EPHA7: variants seen among roughly 807,000 people sequenced by gnomAD.
EPHA7 encodes the protein ephrin type-A receptor 7.
In EPHA7, 25 loss-of-function variants were observed where a neutral mutation model predicts 112.6. The ratio of observed to expected loss-of-function variants is 0.22; its 90% CI spans 0.16 to 0.31. The LOEUF (loss-of-function observed/expected upper bound fraction) is 0.31, where lower values mean the gene tolerates loss of function less well. Among genes scored for constraint, EPHA7 ranks in the 10% least tolerant of loss-of-function variants. EPHA7 has a pLI of 1.00. For synonymous variants in EPHA7, 437 were observed against 406.5 expected (o/e 1.07, Z -0.90); for missense variants, 962 against 1,212.6 (o/e 0.79, Z 3.07).
Position 93,242,285 on chromosome 6 carries a change from G to C in EPHA7, c.*1141C>G, listed in dbSNP as rs1769721930. 1 of 203,078 alleles carries C rather than the reference G, an allele frequency of 4.9e-6. No individual in the cohort carries two copies. Among genetic ancestry groups the C allele is most frequent in the African/African-American group, 2.3e-5 (1 of 43,672 alleles). 12.6% of individuals were successfully genotyped at this position (203,078 alleles called of 1,614,324 possible). A position where few individuals can be genotyped will look rare whatever the true frequency, so the allele number is the denominator to read the frequency against. ...TTTTGTTTTGTTTTGAACTGCAATG[G>C]TGATATTCTGTGCAGCAAATTTGTG... On this transcript the variant is annotated 3_prime_UTR_variant, in exon 17 of 17. Coordinates refer to ENST00000369303, the MANE Select transcript of EPHA7 (RefSeq NM_004440.4).
At chr6:93,329,865 C>A (rs1185312144) in intron 5 of EPHA7, among the ~76,000 whole-genome samples, 1 of 150,732 alleles carries the variant, frequency 6.6e-6, no homozygotes, top group South Asian at 2.1e-4. Flanking sequence ...TTAAAAAAAA[C>A]AAAAACAACA....
At chr6:93,402,416 T>C (rs937622051) in intron 3 of EPHA7, among the ~76,000 whole-genome samples, 4 of 152,012 alleles carry the variant, frequency 2.6e-5, no homozygotes, top group African/African-American at 9.7e-5. Context: ...CTTTGCAAGG[T>C]ACACAAGAAA....
At chr6:93,401,567 A>C (rs1778440558) in intron 3 of EPHA7, among the ~76,000 whole-genome samples, 1 of 152,052 alleles carries the variant, frequency 6.6e-6, no homozygotes, top group African/African-American at 2.4e-5. Flanking sequence ...ATTTGAACTA[A>C]TTTCTAAATT....
chr6:93,286,361 A>G (rs1484577697), intron 5 of EPHA7, among the ~76,000 whole-genome samples: 1 of 152,198 alleles, frequency 6.6e-6, no homozygotes, highest in Non-Finnish European at 1.5e-5. Flanking sequence ...AGGAAAGCCA[A>G]AGTTTCCAGT....
chr6:93,334,859 T>C (rs1774781222), intron 5 of EPHA7, among the ~76,000 whole-genome samples: 1 of 152,152 alleles, frequency 6.6e-6, no homozygotes, highest in Admixed American at 6.6e-5. Context: ...TAGTAAAGAT[T>C]GCGATGTGTA....
chr6:93,322,030 TTGAATTAATGAA>T (rs1346886095), intron 5 of EPHA7, among the ~76,000 whole-genome samples: 1 of 151,780 alleles, frequency 6.6e-6, no homozygotes, highest in Non-Finnish European at 1.5e-5. Flanking sequence ...TGAAGATTCA[TTGAATTAATGAA>T]TGAATAATGA....
intron 5 of EPHA7, among the ~76,000 whole-genome samples, chr6:93,338,242 C>T (rs1582549415): frequency 1.3e-5 from 2 of 152,100 alleles, no homozygotes; most frequent in Admixed American, 1.3e-4. Context: ...CTTCTCTCTT[C>T]TCTCTCTTTT....
intron 3 of EPHA7, among the ~76,000 whole-genome samples, chr6:93,381,416 C>G (rs893320973): frequency 7.2e-5 from 11 of 152,216 alleles, no homozygotes; most frequent in South Asian, 4.1e-4. Context: ...ATTACATTAT[C>G]TGAAACAAAC....
intron 5 of EPHA7, among the ~76,000 whole-genome samples, chr6:93,324,117 G>A (rs1288818515): frequency 6.6e-6 from 1 of 151,360 alleles, no homozygotes; most frequent in Non-Finnish European, 1.5e-5. Context: ...ACTGTCTTTT[G>A]ATGTGTTTCC....
Position 93,258,149 on chromosome 6 carries a change from C to A in EPHA7, c.2060G>T (p.Gly687Val). The change falls in exon 11 of 17, where the codon GGG becomes GTG. Residue 687 changes from glycine (G) to valine (V), a missense_variant. Gly to Val is a moderately radical substitution (Grantham distance 109). This residue lies in a region of EPHA7 where 746 missense variants were observed against 889.2 expected (regional missense o/e 0.84). Coordinates refer to ENST00000369303, the MANE Select transcript of EPHA7 (RefSeq NM_004440.4). Reference protein sequence around the residue: ...RDFLCEASIMGQFDHPNVVHL... With the variant: ...RDFLCEASIMVQFDHPNVVHL... ...GACAACATTCGGGTGGTCAAACTGC[C>A]CCATGATGCTTGCTTCACACAAAAA... 1 of 1,613,342 alleles carries A rather than the reference C, an allele frequency of 6.2e-7. No individual in the cohort carries two copies. The highest frequency in any genetic ancestry group is 2.2e-5 in the East Asian group (1 of 44,796).
intron 12 of EPHA7, 149 bp from the exon 13 acceptor site, chr6:93,256,186 AT>A: frequency 3.1e-6 from 2 of 635,728 alleles, no homozygotes; most frequent in Non-Finnish European, 5.3e-6. Flanking sequence ...GTGGAAAAAA[AT>A]AACATGCTTA....
chr6:93,376,319 T>G (rs1415613099), intron 3 of EPHA7, among the ~76,000 whole-genome samples: 2 of 152,034 alleles, frequency 1.3e-5, no homozygotes, highest in East Asian at 1.9e-4. Context: ...TTTAACATTA[T>G]TTTTAGAGAC....
rs60882775 is a variant in EPHA7, at chr6:93,405,813, GTATATATATATATATATATATATATA to G, written c.832+4662_832+4687del. On this transcript the variant is annotated intron_variant, in intron 3 of 16. Coordinates refer to ENST00000369303, the MANE Select transcript of EPHA7 (RefSeq NM_004440.4). ...TGTGTGTGTGTGTGTGTGTGTGTGT[GTATATATATATATATATATATATATA>G]TATATATATATAAATGATTATAAAT... is the stretch of plus-strand genomic sequence containing the variant. 2.6e-3 allele frequency among the ~76,000 whole-genome samples: 193 copies of G among 73,984 alleles called. 3 individuals carry two copies. Among genetic ancestry groups the G allele is most frequent in the Non-Finnish European group, 3.1e-3 (123 of 39,858 alleles). 48.5% of individuals were successfully genotyped at this position (73,984 alleles called of 152,430 possible).
chr6:93,347,438 G>A lies in EPHA7; in HGVS notation c.1324+9279C>T, dbSNP rs191809759. Among the ~76,000 whole-genome samples, 436 of 144,604 alleles carry A rather than the reference G, an allele frequency of 3.0e-3. 4 individuals are homozygous for A. The highest frequency in any genetic ancestry group is 0.01 in the African/African-American group (416 of 40,416). 94.9% of individuals were successfully genotyped at this position (144,604 alleles called of 152,430 possible). A position where few individuals can be genotyped will look rare whatever the true frequency, so the allele number is the denominator to read the frequency against. ...TAAACAAGTTAAGGGTTTTTTGGAG[G>A]GGAAAAATCATAAAAATGCATAAAA... On this transcript the variant is annotated intron_variant, in intron 5 of 16. Transcript: ENST00000369303.
chr6:93,275,319 A>G (rs1237104742), intron 5 of EPHA7, among the ~76,000 whole-genome samples: 1 of 151,938 alleles, frequency 6.6e-6, no homozygotes, highest in Admixed American at 6.6e-5. Context: ...CCAAATTGAA[A>G]GATGTAGGAG....
chr6:93,260,603 T>A, intron 9 of EPHA7: 1 of 967,548 alleles, frequency 1.0e-6, no homozygotes, highest in African/African-American at 1.8e-5. Context: ...TGTCATCACA[T>A]TAAAACTATA....
At chr6:93,351,021 G>A (rs1194347334) in intron 5 of EPHA7, among the ~76,000 whole-genome samples, 2 of 151,958 alleles carry the variant, frequency 1.3e-5, no homozygotes, top group South Asian at 2.1e-4. Flanking sequence ...CCTCTATAAT[G>A]GATATTGTAA....
At chr6:93,277,516 T>C (rs1017467800) in intron 5 of EPHA7, among the ~76,000 whole-genome samples, 4 of 152,098 alleles carry the variant, frequency 2.6e-5, no homozygotes, top group African/African-American at 9.6e-5. Flanking sequence ...GAACTAAGGG[T>C]AATTGAACCT....
At chr6:93,281,316 A>G (rs992473107) in intron 5 of EPHA7, among the ~76,000 whole-genome samples, 4 of 152,272 alleles carry the variant, frequency 2.6e-5, no homozygotes, top group South Asian at 2.1e-4. Context: ...AGTAACTTCT[A>G]TTTTGATTGG....
Sources: allele counts gnomAD v4.1 joint callset (sites outside exome capture counted in the v4.1 genomes callset), GRCh38; gene constraint gnomAD v4.1.1; regional missense constraint gnomAD v4.1.1; transcripts MANE v1.5; gene names NCBI Gene and HGNC (gene_info 2026-07-23, HGNC 2026-07-21).